The following DLG2 variants were observed in gnomAD, a reference collection of about 807,000 sequenced individuals.
The protein encoded by DLG2 is disks large homolog 2.
In DLG2, 45 loss-of-function variants were observed where a neutral mutation model predicts 132.5. The ratio of observed to expected loss-of-function variants is 0.34; its 90% CI spans 0.27 to 0.44. DLG2 has a LOEUF of 0.44. DLG2 is among the 20% of genes least tolerant of loss of function. The pLI, the probability that DLG2 is intolerant of heterozygous loss-of-function variation, is 1.00. For synonymous variants in DLG2, 424 were observed against 419.6 expected (o/e 1.01, Z -0.13); for missense variants, 1,045 against 1,196.9 (o/e 0.87, Z 1.87).
At chr11:83,936,876 G>A (rs928155944) in intron 14 of DLG2, among the ~76,000 whole-genome samples, 17 of 152,122 alleles carry the variant, frequency 1.1e-4, no homozygotes, top group African/African-American at 4.1e-4. Flanking sequence ...TCCAGCTATA[G>A]TAGAATTTTT....
At chr11:83,675,841 C>T (rs1343741831) in intron 18 of DLG2, among the ~76,000 whole-genome samples, 1 of 152,170 alleles carries the variant, frequency 6.6e-6, no homozygotes, top group Admixed American at 6.5e-5. Flanking sequence ...TCCTTTCCTT[C>T]TTTCTTCTCC....
chr11:83,862,161 C>T (rs570390080), intron 16 of DLG2, among the ~76,000 whole-genome samples: 24 of 152,144 alleles, frequency 1.6e-4, no homozygotes, highest in Non-Finnish European at 2.6e-4. Context: ...CAGCACTATT[C>T]GCAATAGCCA....
chr11:84,502,216 T>TC (rs1567803539), intron 7 of DLG2, among the ~76,000 whole-genome samples: 668 of 3,688 alleles, frequency 0.18, 191 homozygotes, highest in Non-Finnish European at 0.23. Flanking sequence ...CCTTCCTTCC[T>TC]TCCTTCCTTC....
At chr11:84,473,949 G>T (rs1441388854) in intron 7 of DLG2, among the ~76,000 whole-genome samples, 1 of 152,006 alleles carries the variant, frequency 6.6e-6, no homozygotes, top group Admixed American at 6.6e-5. Context: ...CTATTGGTGA[G>T]CTATGGATTT....
rs557102581 is a variant in DLG2, at chr11:83,965,690, G to T, written c.1057-222C>A. 7.9e-5 allele frequency among the ~76,000 whole-genome samples: 12 copies of T among 152,056 alleles called. No homozygotes were observed. In the South Asian group the frequency reaches 2.5e-3, roughly 32 times the overall value. ...TTTTTAAATGAGGAAGTGATATACA[G>T]TAATGGAATTCAGAATAGTATTTGT... is the stretch of plus-strand genomic sequence containing the variant. On this transcript the variant is annotated intron_variant, in intron 12 of 27. Transcript: ENST00000376104.
At chr11:85,398,708 C>G (rs2087688031) in intron 3 of DLG2, among the ~76,000 whole-genome samples, 1 of 152,156 alleles carries the variant, frequency 6.6e-6, no homozygotes, top group African/African-American at 2.4e-5. Context: ...GACACATACT[C>G]TCCCAAGACT....
At chr11:84,096,443 G>A (rs2097166348) in intron 10 of DLG2, among the ~76,000 whole-genome samples, 1 of 152,156 alleles carries the variant, frequency 6.6e-6, no homozygotes, top group Admixed American at 6.6e-5. Context: ...CACCATGTTT[G>A]CAGGCAAAGA....
At chr11:84,478,748 A>AT (rs1245239165) in intron 7 of DLG2, among the ~76,000 whole-genome samples, 1 of 152,034 alleles carries the variant, frequency 6.6e-6, no homozygotes, top group East Asian at 1.9e-4. Context: ...AACTATGTAT[A>AT]TTTTTTTCAA....
chr11:84,708,630 G>A (rs935668908), intron 6 of DLG2, among the ~76,000 whole-genome samples: 1 of 151,610 alleles, frequency 6.6e-6, no homozygotes, highest in Non-Finnish European at 1.5e-5. Context: ...ACAGGCATCC[G>A]GTTTCTACAA....
intron 8 of DLG2, among the ~76,000 whole-genome samples, chr11:84,210,292 AAATT>A (rs2096734737): frequency 6.6e-6 from 1 of 150,936 alleles, no homozygotes; most frequent in African/African-American, 2.4e-5. Flanking sequence ...CCAAAAAATT[AAATT>A]AATTAATTAA....
chr11:83,807,266 A>G (rs1248268659), intron 17 of DLG2, among the ~76,000 whole-genome samples: 1 of 152,176 alleles, frequency 6.6e-6, no homozygotes, highest in Non-Finnish European at 1.5e-5. Context: ...ATCAGTCCCA[A>G]GTGGATATTA....
At chr11:85,445,888 T>C (rs1256806852) in intron 3 of DLG2, among the ~76,000 whole-genome samples, 1 of 152,216 alleles carries the variant, frequency 6.6e-6, no homozygotes, top group East Asian at 1.9e-4. Context: ...AGGCTTTCCA[T>C]CCATTACTCA....
At chr11:83,507,777 T>C (rs1231298371) in intron 21 of DLG2, among the ~76,000 whole-genome samples, 30 of 86,466 alleles carry the variant, frequency 3.5e-4, no homozygotes, top group Middle Eastern at 0.012. Context: ...TATATATATA[T>C]ATATATATAT....
chr11:85,551,701 T>C (rs1291890279), intron 3 of DLG2, among the ~76,000 whole-genome samples: 2 of 152,106 alleles, frequency 1.3e-5, no homozygotes, highest in African/African-American at 4.8e-5. Context: ...TAAATTTAAT[T>C]ATTTTCTGAA....
chr11:84,774,651 C>A (rs1038361909), intron 6 of DLG2, among the ~76,000 whole-genome samples: 1 of 152,074 alleles, frequency 6.6e-6, no homozygotes, highest in Non-Finnish European at 1.5e-5. Flanking sequence ...ACAACTACAG[C>A]CACCTGCTCT....
At chr11:84,815,423 G>A (rs940206556) in intron 6 of DLG2, among the ~76,000 whole-genome samples, 4 of 152,004 alleles carry the variant, frequency 2.6e-5, no homozygotes, top group African/African-American at 7.2e-5. Context: ...TACATGAAAC[G>A]TTTCTGCTTC....
intron 6 of DLG2, among the ~76,000 whole-genome samples, chr11:84,834,797 GA>G (rs5793140): frequency 5.6e-4 from 81 of 144,338 alleles, no homozygotes; most frequent in African/African-American, 1.6e-3. Flanking sequence ...TCTTTTCTCA[GA>G]AAAAAAAAAA....
chr11:84,362,200 AT>A (rs1800895361), intron 7 of DLG2, among the ~76,000 whole-genome samples: 1 of 152,022 alleles, frequency 6.6e-6, no homozygotes, highest in Non-Finnish European at 1.5e-5. Context: ...TATAGGCTTT[AT>A]CTGATTCAAC....
chr11:84,042,326 T>G (rs1465431270), intron 11 of DLG2, among the ~76,000 whole-genome samples: 1 of 151,882 alleles, frequency 6.6e-6, no homozygotes, highest in Non-Finnish European at 1.5e-5. Context: ...TAAAATTTTG[T>G]ATGATGTCTT....
Sources: gnomAD v4.1 joint callset for allele counts (sites outside exome capture counted in the v4.1 genomes callset) on GRCh38, gnomAD v4.1.1 for gene constraint, MANE v1.5 for transcripts, NCBI Gene and HGNC (gene_info 2026-07-23, HGNC 2026-07-21) for gene names.